EYA2: variants seen among roughly 807,000 people sequenced by gnomAD.
EYA2 encodes the protein EYA transcriptional coactivator and phosphatase 2, also known as protein phosphatase EYA2.
Under a neutral mutation model 69.2 loss-of-function variants are expected in EYA2, and 31 were observed. That is an observed-to-expected ratio of 0.45 (90% confidence interval 0.34 to 0.60). EYA2 has a LOEUF of 0.60. EYA2 is among the 20% of genes least tolerant of loss of function. The pLI, the probability that EYA2 is intolerant of heterozygous loss-of-function variation, is 0.02. For synonymous variants in EYA2, 257 were observed against 279.4 expected (o/e 0.92, Z 0.80); for missense variants, 622 against 701.2 (o/e 0.89, Z 1.28).
intron 1 of EYA2, among the ~76,000 whole-genome samples, chr20:46,975,440 C>T (rs1238481866): frequency 6.6e-6 from 1 of 152,184 alleles, no homozygotes; most frequent in Non-Finnish European, 1.5e-5. Context: ...GAGGCCAAAG[C>T]AGGAGGATTG....
intron 2 of EYA2, chr20:46,998,303 A>C (rs1305075348): frequency 6.6e-6 from 1 of 152,294 alleles, no homozygotes; most frequent in Admixed American, 6.5e-5. Context: ...TCCGGGCTAC[A>C]CTGAAGACCA....
rs1406255242 is a variant in EYA2, at chr20:46,931,651, A to G, written c.-11+36664A>G. Among the ~76,000 whole-genome samples the G allele has an allele frequency of 2.6e-5, 4 of 152,174 alleles. 1 individual carries two copies. The highest frequency in any genetic ancestry group is 2.0e-4 in the Admixed American group (3 of 15,278). Reference sequence around the variant, plus strand: ...GAGCAAGTTTTTAAATCCATTTCACATACTCAGACCTGGAAGTGGCCCCAG... The same window carrying G: ...GAGCAAGTTTTTAAATCCATTTCACGTACTCAGACCTGGAAGTGGCCCCAG... On this transcript the variant is annotated intron_variant, in intron 1 of 15. Coordinates refer to ENST00000327619, the MANE Select transcript of EYA2 (RefSeq NM_005244.5).
chr20:47,140,687 C>A (rs911053627), intron 9 of EYA2, among the ~76,000 whole-genome samples: 1 of 152,244 alleles, frequency 6.6e-6, no homozygotes, highest in South Asian at 2.1e-4. Context: ...GTTGCCTAAC[C>A]TTTGTATGCC....
At chr20:47,091,420 A>G (rs116172842) in intron 8 of EYA2, among the ~76,000 whole-genome samples, 159 of 152,236 alleles carry the variant, frequency 1.0e-3, no homozygotes, top group African/African-American at 3.7e-3. Context: ...AATATTTGCT[A>G]CAATTCTTTG....
At chr20:46,981,807 A>G (rs1242217589) in intron 1 of EYA2, among the ~76,000 whole-genome samples, 1 of 152,142 alleles carries the variant, frequency 6.6e-6, no homozygotes, top group Non-Finnish European at 1.5e-5. Flanking sequence ...TATATTTAAA[A>G]GGGGTCTCTT....
rs3818914 is a variant in EYA2 at position 47,142,978 on chromosome 20, G to A, written c.889-81G>A. Reference sequence around the variant, plus strand: ...TGAGGAAAAACCAAAACTGCTTTTCGGCAGTGGAATGGGACCAAAAGGGTA... The same window carrying A: ...TGAGGAAAAACCAAAACTGCTTTTCAGCAGTGGAATGGGACCAAAAGGGTA... On this transcript the variant is annotated intron_variant, in intron 9 of 15. Transcript: ENST00000327619. 15,404 of 1,316,350 alleles carry A rather than the reference G, an allele frequency of 0.012. 969 individuals carry two copies. The East Asian group carries it at 0.19, about 16-fold the overall frequency. The allele number at this position is 1,316,350 out of a possible 1,614,324, so 81.5% of individuals were successfully genotyped here.
chr20:47,053,486 C>T (rs2030444249), intron 5 of EYA2, among the ~76,000 whole-genome samples: 1 of 151,756 alleles, frequency 6.6e-6, no homozygotes, highest in African/African-American at 2.4e-5. Flanking sequence ...GGCAACATGA[C>T]AAAACTCCGT....
chr20:47,100,661 A>G (rs2032397922), intron 9 of EYA2, among the ~76,000 whole-genome samples: 1 of 152,218 alleles, frequency 6.6e-6, no homozygotes. Flanking sequence ...TGTCCAGGGA[A>G]AACTGAGGTG....
chr20:47,021,285 T>G (rs930349070), intron 5 of EYA2, among the ~76,000 whole-genome samples: 7 of 152,144 alleles, frequency 4.6e-5, no homozygotes, highest in Non-Finnish European at 8.8e-5. Flanking sequence ...TGTGGGACTG[T>G]CTGCATCCAC....
intron 1 of EYA2, among the ~76,000 whole-genome samples, chr20:46,931,962 G>T (rs1395900178): frequency 6.7e-6 from 1 of 150,328 alleles, no homozygotes; most frequent in Admixed American, 6.7e-5. Context: ...TGTCCTCAGC[G>T]CTGTGATCTA....
intron 1 of EYA2, among the ~76,000 whole-genome samples, chr20:46,913,806 G>A (rs1284958004): frequency 1.3e-5 from 2 of 152,196 alleles, no homozygotes; most frequent in Non-Finnish European, 2.9e-5. Context: ...AGTGGAGGGA[G>A]GAGCAGGTTG....
chr20:47,120,416 A>C (rs998865846), intron 9 of EYA2, among the ~76,000 whole-genome samples: 2 of 152,120 alleles, frequency 1.3e-5, no homozygotes, highest in Non-Finnish European at 2.9e-5. Context: ...ATTTTACCTA[A>C]ATTTTTTAAA....
intron 1 of EYA2, among the ~76,000 whole-genome samples, chr20:46,954,739 G>A (rs1038005513): frequency 6.6e-6 from 1 of 152,130 alleles, no homozygotes; most frequent in African/African-American, 2.4e-5. Context: ...TCACAGTTTC[G>A]TTCTGCTCGA....
intron 14 of EYA2, among the ~76,000 whole-genome samples, chr20:47,181,941 G>T (rs548288881): frequency 6.6e-6 from 1 of 151,882 alleles, no homozygotes; most frequent in African/African-American, 2.4e-5. Context: ...GGTTTATTTC[G>T]AATCTCTTTT....
intron 2 of EYA2, 68 bp from the exon 3 acceptor site, chr20:47,001,360 A>G: frequency 7.1e-7 from 1 of 1,409,580 alleles, no homozygotes; most frequent in Non-Finnish European, 1.0e-6. Context: ...TGGTGTCTGA[A>G]GTCACCACCT....
chr20:47,034,933 CTGTG>C (rs1310627336), intron 5 of EYA2, among the ~76,000 whole-genome samples: 1 of 152,234 alleles, frequency 6.6e-6, no homozygotes, highest in Non-Finnish European at 1.5e-5. Flanking sequence ...GGCATTCTCT[CTGTG>C]TGTCTGGGTC....
At chr20:47,100,832 C>A (rs2032403247) in intron 9 of EYA2, among the ~76,000 whole-genome samples, 1 of 152,210 alleles carries the variant, frequency 6.6e-6, no homozygotes, top group African/African-American at 2.4e-5. Flanking sequence ...GTGACTTAAA[C>A]AAGATGCAAG....
At chr20:47,134,174 C>T (rs1052598199) in intron 9 of EYA2, among the ~76,000 whole-genome samples, 6 of 152,194 alleles carry the variant, frequency 3.9e-5, no homozygotes, top group African/African-American at 1.2e-4. Flanking sequence ...CACCAGATAG[C>T]GTAGATGTCT....
chr20:47,123,166 T>C (rs1194736992), intron 9 of EYA2, among the ~76,000 whole-genome samples: 1 of 152,208 alleles, frequency 6.6e-6, no homozygotes, highest in Non-Finnish European at 1.5e-5. Flanking sequence ...TGACACTTTT[T>C]TTTTTAATTG....
Sources: gnomAD v4.1 joint callset for allele counts (sites outside exome capture counted in the v4.1 genomes callset) on GRCh38, gnomAD v4.1.1 for gene constraint, MANE v1.5 for transcripts, NCBI Gene and HGNC (gene_info 2026-07-23, HGNC 2026-07-21) for gene names.